Variants in ARHGAP42 observed in about 807,000 individuals in gnomAD.
ARHGAP42 encodes the protein Rho GTPase activating protein 42, also known as rho GTPase-activating protein 42.
A neutral mutation model predicts 125.0 loss-of-function variants in ARHGAP42; 63 were observed. That is an observed-to-expected ratio of 0.50 (90% CI 0.41 to 0.62). The LOEUF (loss-of-function observed/expected upper bound fraction) is 0.62, where lower values mean the gene tolerates loss of function less well. Ranked by LOEUF, ARHGAP42 falls within the 20% of genes least tolerant of loss-of-function variation. The pLI, the probability that ARHGAP42 is intolerant of heterozygous loss-of-function variation, is 0.00. For missense variants in ARHGAP42, 766 were observed against 1,024.2 expected, an observed-to-expected ratio of 0.75 and a Z score of 3.44; for synonymous variants, 339 against 351.0, an observed-to-expected ratio of 0.97 and a Z score of 0.38.
At chr11:100,810,972 G>A (rs1215407204) in intron 3 of ARHGAP42, among the ~76,000 whole-genome samples, 1 of 152,032 alleles carries the variant, frequency 6.6e-6, no homozygotes, top group Non-Finnish European at 1.5e-5. Flanking sequence ...TTTTGGTGGG[G>A]AGGGACAGAG....
At chr11:100,753,925 T>C (rs1862517301) in intron 1 of ARHGAP42, among the ~76,000 whole-genome samples, 1 of 152,246 alleles carries the variant, frequency 6.6e-6, no homozygotes, top group South Asian at 2.1e-4. Context: ...CTTTGGTTTC[T>C]TCCCATTTTC....
rs962675099 is a variant in ARHGAP42 at position 100,976,921 on chromosome 11, A to T, written c.2343A>T (p.Arg781Ser). ...ACCTGCCTCCGAAAATGTGCAGGAGATTAAGACTAGACACTGCCTCAAGCA... is the reference window on the plus strand; with the variant it reads ...ACCTGCCTCCGAAAATGTGCAGGAGTTTAAGACTAGACACTGCCTCAAGCA... ...NPDLPPKMCR[R>S]LRLDTASSNG... is the part of the protein sequence containing the mutation. The change falls in exon 21 of 24, where the codon AGA (arginine) becomes AGT (serine). Residue 781 changes from arginine (R) to serine (S), a missense_variant. Transcript: ENST00000298815. The T allele has an allele frequency of 7.1e-6, 11 of 1,551,370 alleles. No homozygotes were observed. In the Admixed American group the frequency reaches 2.2e-4, roughly 30 times the overall value.
At chr11:100,848,933 A>G (rs1865136676) in intron 3 of ARHGAP42, among the ~76,000 whole-genome samples, 1 of 152,178 alleles carries the variant, frequency 6.6e-6, no homozygotes, top group South Asian at 2.1e-4. Flanking sequence ...CATCGTGATA[A>G]GTGCAGGAGA....
At chr11:100,967,040 T>C (rs576450829) in intron 17 of ARHGAP42, among the ~76,000 whole-genome samples, 9 of 150,802 alleles carry the variant, frequency 6.0e-5, no homozygotes, top group Non-Finnish European at 1.3e-4. Flanking sequence ...CTGGCTTCTT[T>C]CTGAACTTAC....
chr11:100,877,982 G>A (rs2135171024), intron 4 of ARHGAP42, among the ~76,000 whole-genome samples: 1 of 144,698 alleles, frequency 6.9e-6, no homozygotes, highest in African/African-American at 2.6e-5. Context: ...TCCAGCCTGG[G>A]TGACGCAGCG....
At chr11:100,850,146 A>G (rs889483098) in intron 3 of ARHGAP42, among the ~76,000 whole-genome samples, 1 of 152,202 alleles carries the variant, frequency 6.6e-6, no homozygotes, top group Non-Finnish European at 1.5e-5. Flanking sequence ...GCATCAGCAC[A>G]ATACTGAAAC....
chr11:100,771,026 T>C (rs950371272), intron 2 of ARHGAP42, among the ~76,000 whole-genome samples: 1 of 152,020 alleles, frequency 6.6e-6, no homozygotes, highest in African/African-American at 2.4e-5. Flanking sequence ...AGGTATCTAC[T>C]ATTAAATATA....
chr11:100,835,426 A>G (rs1038139640), intron 3 of ARHGAP42, among the ~76,000 whole-genome samples: 10 of 152,156 alleles, frequency 6.6e-5, no homozygotes, highest in African/African-American at 7.2e-5. Flanking sequence ...ATATTTATAT[A>G]TGAGTTTTGT....
At chr11:100,931,171 G>A (rs1867570392) in intron 6 of ARHGAP42, among the ~76,000 whole-genome samples, 3 of 152,044 alleles carry the variant, frequency 2.0e-5, no homozygotes, top group Admixed American at 1.3e-4. Context: ...TATCAGGTGC[G>A]GAATTTTTTC....
chr11:100,763,702 C>G (rs1281348368), intron 1 of ARHGAP42, among the ~76,000 whole-genome samples: 4 of 152,016 alleles, frequency 2.6e-5, no homozygotes, highest in Non-Finnish European at 5.9e-5. Context: ...GTTGGCCAGG[C>G]TGGTCTCGAA....
At chr11:100,918,449 G>A (rs982290099) in intron 5 of ARHGAP42, among the ~76,000 whole-genome samples, 2 of 151,962 alleles carry the variant, frequency 1.3e-5, no homozygotes, top group Admixed American at 1.3e-4. Flanking sequence ...CTTTTTGCCA[G>A]GTAAACAAGT....
Position 100,936,280 on chromosome 11 carries a change from C to T in ARHGAP42, c.780C>T (p.Tyr260=). 1 of 1,551,570 alleles carries T rather than the reference C, an allele frequency of 6.4e-7. No homozygotes were observed. Among genetic ancestry groups the T allele is most frequent in the Non-Finnish European group, 8.7e-7 (1 of 1,146,914 alleles). The change falls in exon 8 of 24, where the codon TAC becomes TAT. Residue 260 remains tyrosine (Y), a synonymous_variant. Transcript: ENST00000298815. ...MQRMKSANQD[Y]RPPSQWTMEG... is the part of the protein sequence containing the mutation. ...GGATGAAATCTGCTAACCAGGACTA[C>T]AGACCACCCAGCCAGTGGACGATGG...
chr11:100,711,120 G>A (rs1463099841), intron 1 of ARHGAP42, among the ~76,000 whole-genome samples: 2 of 152,168 alleles, frequency 1.3e-5, no homozygotes, highest in African/African-American at 4.8e-5. Context: ...CTTAGGACTG[G>A]TGATCAGTTG....
At chr11:100,900,638 C>T (rs1396824054) in intron 4 of ARHGAP42, among the ~76,000 whole-genome samples, 1 of 152,130 alleles carries the variant, frequency 6.6e-6, no homozygotes, top group Non-Finnish European at 1.5e-5. Flanking sequence ...AACTTGCCTT[C>T]TCACTTTATT....
In ARHGAP42 at chr11:100,974,484, G is replaced by A; in HGVS notation, c.1736G>A (p.Ser579Asn). The A allele has an allele frequency of 6.5e-7, 1 of 1,549,880 alleles. No individual in the cohort carries two copies. The highest frequency in any genetic ancestry group is 8.7e-7 in the Non-Finnish European group (1 of 1,146,556). ...ATTTTTCATACTGCTCCAGACCCAA[G>A]CATTCCTCTTCCTCAGCCTCAGTCT... ...EKIFHTAPDPSIPLPQPQSRS... is the reference protein window; with the variant it reads ...EKIFHTAPDPNIPLPQPQSRS... The change falls in exon 19 of 24, where the codon AGC (serine) becomes AAC (asparagine). Residue 579 changes from serine (S) to asparagine (N), a missense_variant. Ser to Asn is a conservative substitution (Grantham distance 46, BLOSUM62 1). Transcript: ENST00000298815.
At position 100,708,385 on chromosome 11, in the gene ARHGAP42, C is replaced by T. The variant is rs888565952; in HGVS notation, c.154+20553C>T. ...TAAATTAGTTGTGCGTGGTGGCACA[C>T]GCCTTTAGTCCCAGCTACTTGGGAG... On this transcript the variant is annotated intron_variant, in intron 1 of 23. Transcript: ENST00000298815. Among the ~76,000 whole-genome samples the T allele has an allele frequency of 5.3e-5, 8 of 152,250 alleles. No individual in the cohort carries two copies. In the East Asian group the frequency reaches 7.7e-4, roughly 15 times the overall value.
intron 4 of ARHGAP42, among the ~76,000 whole-genome samples, chr11:100,905,422 G>A (rs527698582): frequency 6.6e-6 from 1 of 152,184 alleles, no homozygotes; most frequent in South Asian, 2.1e-4. Context: ...TGAATATTTA[G>A]CATCCTTACA....
At chr11:100,830,219 C>T (rs1349503352) in intron 3 of ARHGAP42, among the ~76,000 whole-genome samples, 2 of 152,130 alleles carry the variant, frequency 1.3e-5, no homozygotes, top group Admixed American at 6.6e-5. Context: ...CCAAGCTTGA[C>T]GAGACTTATA....
At chr11:100,948,340 T>C (rs1199034472) in intron 10 of ARHGAP42, 117 bp from the exon 11 acceptor site, 2 of 723,718 alleles carry the variant, frequency 2.8e-6, no homozygotes, top group East Asian at 2.9e-5. Flanking sequence ...GTTTTTCTCC[T>C]CTGTCTTCAT....
Sources: gnomAD v4.1 joint callset for allele counts (sites outside exome capture counted in the v4.1 genomes callset) on GRCh38, gnomAD v4.1.1 for gene constraint, MANE v1.5 for transcripts, NCBI Gene and HGNC (gene_info 2026-07-23, HGNC 2026-07-21) for gene names.